ENTREP2: variants seen among roughly 807,000 people sequenced by gnomAD.
ENTREP2 encodes the protein protein ENTREP2.
chr15:29,475,115 C>T, the ENTREP2 span, among the ~76,000 whole-genome samples: 3 of 151,960 alleles, frequency 2.0e-5, no homozygotes, highest in East Asian at 5.8e-4. Flanking sequence ...CGGCACTGAG[C>T]GAGAGTGTGT....
chr15:29,279,919 A>G, the ENTREP2 span, among the ~76,000 whole-genome samples: 2 of 152,052 alleles, frequency 1.3e-5, no homozygotes, highest in African/African-American at 4.8e-5. Flanking sequence ...TTTCTTATCT[A>G]GACTTTCTTT....
chr15:29,348,652 T>C, the ENTREP2 span, among the ~76,000 whole-genome samples: 4 of 152,152 alleles, frequency 2.6e-5, no homozygotes, highest in African/African-American at 7.2e-5. Context: ...GAAGTGGGGT[T>C]ATGTGGCTTC....
At chr15:29,410,403 G>GGTGGAAGCCAGAGCAGGGCTGCCCCA in the ENTREP2 span, among the ~76,000 whole-genome samples, 2 of 152,004 alleles carry the variant, frequency 1.3e-5, no homozygotes, top group African/African-American at 4.8e-5. Context: ...GGGCTGCTCT[G>GGTGGAAGCCAGAGCAGGGCTGCCCCA]GTGGAAGCCA....
chr15:29,423,307 G>C, the ENTREP2 span, among the ~76,000 whole-genome samples: 22 of 151,916 alleles, frequency 1.4e-4, no homozygotes, highest in African/African-American at 4.6e-4. Context: ...GATAAGTTAG[G>C]GTTTTTTTCC....
chr15:29,187,027 G>A, the ENTREP2 span, among the ~76,000 whole-genome samples: 2 of 151,990 alleles, frequency 1.3e-5, no homozygotes, highest in Non-Finnish European at 2.9e-5. Context: ...TAGAATCCCA[G>A]ATTTTTTTCA....
chr15:29,123,672 A>G, the ENTREP2 span: 2 of 1,543,562 alleles, frequency 1.3e-6, no homozygotes, highest in Non-Finnish European at 1.8e-6. Flanking sequence ...ATCAAGGGCA[A>G]AAGTGCAGTT....
At chr15:29,122,105 C>A in the ENTREP2 span, 6 of 152,380 alleles carry the variant, frequency 3.9e-5, no homozygotes, top group South Asian at 6.2e-4. Flanking sequence ...ACCGCAGGGC[C>A]CACCCAACGC....
the ENTREP2 span, among the ~76,000 whole-genome samples, chr15:29,595,067 C>CAAAAAAAA: frequency 4.9e-3 from 422 of 86,492 alleles, 7 homozygotes; most frequent in Non-Finnish European, 6.6e-3. Context: ...GACTCCGTCT[C>CAAAAAAAA]AAAAAAAAAA....
the ENTREP2 span, among the ~76,000 whole-genome samples, chr15:29,256,146 C>G: frequency 1.3e-5 from 2 of 152,004 alleles, no homozygotes; most frequent in East Asian, 3.9e-4. Context: ...TGGGTACACA[C>G]AGACACAAAG....
chr15:29,339,511 G>A, the ENTREP2 span, among the ~76,000 whole-genome samples: 7 of 152,154 alleles, frequency 4.6e-5, no homozygotes, highest in Non-Finnish European at 8.8e-5. Flanking sequence ...AAATTCGTGC[G>A]CTGTAACAGG....
chr15:29,535,080 A>AT, the ENTREP2 span, among the ~76,000 whole-genome samples: 4 of 151,542 alleles, frequency 2.6e-5, no homozygotes, highest in Non-Finnish European at 5.9e-5. Context: ...CCTCGTCTCT[A>AT]TAAAAAAAAG....
the ENTREP2 span, among the ~76,000 whole-genome samples, chr15:29,639,204 C>T: frequency 6.6e-6 from 1 of 152,208 alleles, no homozygotes. Context: ...CATTTATAGT[C>T]TGCACTTCTT....
the ENTREP2 span, among the ~76,000 whole-genome samples, chr15:29,616,160 T>C: frequency 1.3e-5 from 2 of 152,254 alleles, no homozygotes; most frequent in African/African-American, 4.8e-5. Flanking sequence ...AAAGTCATTC[T>C]TGATGTATTA....
At chr15:29,432,957 C>T in the ENTREP2 span, among the ~76,000 whole-genome samples, 4 of 152,222 alleles carry the variant, frequency 2.6e-5, no homozygotes, top group Non-Finnish European at 4.4e-5. Flanking sequence ...GCTCATCGCA[C>T]GCCCACCTCC....
At chr15:29,537,685 A>G in the ENTREP2 span, among the ~76,000 whole-genome samples, 1 of 152,126 alleles carries the variant, frequency 6.6e-6, no homozygotes, top group Non-Finnish European at 1.5e-5. Flanking sequence ...TCCGGTTAGA[A>G]TAAGTTAGGT....
At chr15:29,589,292 T>TA in the ENTREP2 span, among the ~76,000 whole-genome samples, 3 of 152,200 alleles carry the variant, frequency 2.0e-5, no homozygotes. Flanking sequence ...TGTCTTTCCA[T>TA]AAAAAGGTTT....
chr15:29,301,756 G>A, the ENTREP2 span, among the ~76,000 whole-genome samples: 4 of 152,292 alleles, frequency 2.6e-5, no homozygotes, highest in South Asian at 8.3e-4. Flanking sequence ...TTTGGAAAGT[G>A]ATTAAATCAT....
At chr15:29,488,381 G>A in the ENTREP2 span, among the ~76,000 whole-genome samples, 1 of 152,146 alleles carries the variant, frequency 6.6e-6, no homozygotes, top group African/African-American at 2.4e-5. Flanking sequence ...TCCAGTCTGA[G>A]AGGAAGAACA....
chr15:29,629,301 AATT>A, the ENTREP2 span, among the ~76,000 whole-genome samples: 1 of 152,206 alleles, frequency 6.6e-6, no homozygotes, highest in Non-Finnish European at 1.5e-5. Context: ...TATTAAAAAT[AATT>A]ATTAATCGAT....
Sources: gnomAD v4.1 joint callset for allele counts (sites outside exome capture counted in the v4.1 genomes callset) on GRCh38, gnomAD v4.1.1 for gene constraint, MANE v1.5 for transcripts, NCBI Gene and HGNC (gene_info 2026-07-23, HGNC 2026-07-21) for gene names.